Variants in PVALEF observed in about 807,000 individuals in gnomAD.
PVALEF encodes parvalbumin-like EF-hand-containing protein.
PVALEF carries 2 observed loss-of-function variants against 1.2 expected under a neutral mutation model. The observed-to-expected ratio is 1.68, with a 90% CI of 0.69 to 5.28. PVALEF has a LOEUF of 5.28. Ranked by LOEUF, PVALEF falls within the 30% of genes most tolerant of loss-of-function variation. The pLI is 0.06. For missense variants in PVALEF, 35 were observed against 17.7 expected, an observed-to-expected ratio of 1.97 and a Z score of -1.75; for synonymous variants, 16 against 6.5, an observed-to-expected ratio of 2.47 and a Z score of -2.24.
chr17:81,176,654 T>C (rs1487890976), intron 2 of PVALEF, among the ~76,000 whole-genome samples: 1 of 150,380 alleles, frequency 6.6e-6, no homozygotes, highest in African/African-American at 2.4e-5. Flanking sequence ...CCCTGTGCGC[T>C]GTTGGTGGGA....
chr17:81,170,584 C>A (rs1567835800), intron 2 of PVALEF, among the ~76,000 whole-genome samples: 1 of 152,112 alleles, frequency 6.6e-6, no homozygotes. Flanking sequence ...AGGAGGGAGG[C>A]AAAGTGGGGA....
chr17:81,181,342 GCCCCCGCCCGGCGCGGC>G lies in PVALEF; in HGVS notation c.106+21_106+37del, dbSNP rs1333914780. On this transcript the variant is annotated intron_variant, in intron 4 of 6. Transcript: ENST00000637878. ...GACATGAGACACCACGGTACAGCAT[GCCCCCGCCCGGCGCGGC>G]CCCCCGCCCGTCCAGCCCCGCTGTG... The G allele has an allele frequency of 6.2e-6, 4 of 641,660 alleles. No homozygotes were observed. In the African/African-American group the frequency reaches 7.2e-5, roughly 12 times the overall value. 39.7% of individuals were successfully genotyped at this position (641,660 alleles called of 1,614,324 possible). A position where few individuals can be genotyped will look rare whatever the true frequency, so the allele number is the denominator to read the frequency against.
At position 81,181,206 on chromosome 17, in the gene PVALEF, C is replaced by T. The variant is rs1484789761; in HGVS notation, c.-21C>T. ...CGTGCGTGCACCCCACGAATTGACT[C>T]CCTATCCACCCAGGACCAGGATGGA... is the stretch of plus-strand genomic sequence containing the variant. On this transcript the variant is annotated 5_prime_UTR_variant, in exon 4 of 7. Coordinates refer to ENST00000637878, the MANE Select transcript of PVALEF (RefSeq NM_001354639.2). 2.8e-6 allele frequency: 2 copies of T among 703,074 alleles called. No homozygotes were observed. The highest frequency in any genetic ancestry group is 5.4e-5 in the East Asian group (2 of 37,280). 43.6% of individuals were successfully genotyped at this position (703,074 alleles called of 1,614,324 possible).
At chr17:81,166,080 G>T in intron 1 of PVALEF, 3 of 915,132 alleles carry the variant, frequency 3.3e-6, no homozygotes, top group Non-Finnish European at 2.7e-6. Context: ...ATCACCCAGC[G>T]GCCGCCGCAG....
chr17:81,166,979 C>T (rs938645756), intron 2 of PVALEF, 135 bp downstream of exon 2: 7 of 302,856 alleles, frequency 2.3e-5, no homozygotes, highest in Admixed American at 4.4e-5. Context: ...AGCCTGCCCC[C>T]GTGGGAGTCG....
intron 2 of PVALEF, among the ~76,000 whole-genome samples, chr17:81,167,323 T>C (rs2063033): frequency 0.37 from 56,178 of 151,220 alleles, 12,342 homozygotes; most frequent in South Asian, 0.52. Context: ...GCAGTTGAGT[T>C]TGATGCACCC....
intron 2 of PVALEF, among the ~76,000 whole-genome samples, chr17:81,170,126 G>C: frequency 7.4e-6 from 1 of 135,712 alleles, no homozygotes; most frequent in Non-Finnish European, 1.5e-5. Flanking sequence ...GTGTAGGCAT[G>C]TGTGTGTTGG....
Position 81,179,000 on chromosome 17 carries a change from T to C in PVALEF, c.-257T>C. ...CAAGTGCCTGCGAGCCCCTGGGAGC[T>C]GCCCGTGCCAGGCTGGAGTGCCGGG... On this transcript the variant is annotated 5_prime_UTR_variant, in exon 3 of 7. Coordinates refer to ENST00000637878, the MANE Select transcript of PVALEF (RefSeq NM_001354639.2). 2.3e-6 allele frequency: 1 copy of C among 440,352 alleles called. No individual in the cohort carries two copies. Among genetic ancestry groups the C allele is most frequent in the Non-Finnish European group, 4.6e-6 (1 of 217,452 alleles). 27.3% of individuals were successfully genotyped at this position (440,352 alleles called of 1,614,324 possible).
rs2061497290 is a variant in PVALEF, at chr17:81,166,822, C to T, written c.-362C>T. On this transcript the variant is annotated 5_prime_UTR_variant, in exon 2 of 7. Coordinates refer to ENST00000637878, the MANE Select transcript of PVALEF (RefSeq NM_001354639.2). ...ATGAAGGAAGAACCTGGCTGAGTCT[C>T]CACCTGCCGTGGACTGTACCAGGTG... 4.4e-6 allele frequency: 2 copies of T among 453,262 alleles called. No individual in the cohort carries two copies. The highest frequency in any genetic ancestry group is 4.7e-5 in the Admixed American group (2 of 42,246). The allele number at this position is 453,262 out of a possible 1,614,324, so 28.1% of individuals were successfully genotyped here.
chr17:81,180,118 C>G (rs568620384), intron 3 of PVALEF, among the ~76,000 whole-genome samples: 53 of 152,304 alleles, frequency 3.5e-4, no homozygotes, highest in Middle Eastern at 3.4e-3. Context: ...GTCTCCAGCC[C>G]GGATCTCGGG....
chr17:81,165,543 A>C lies in PVALEF; in HGVS notation c.-712A>C. 1 of 937,594 alleles carries C rather than the reference A, an allele frequency of 1.1e-6. No homozygotes were observed. The highest frequency in any genetic ancestry group is 1.5e-6 in the Non-Finnish European group (1 of 667,646). The allele number at this position is 937,594 out of a possible 1,614,324, so 58.1% of individuals were successfully genotyped here. A position where few individuals can be genotyped will look rare whatever the true frequency, so the allele number is the denominator to read the frequency against. On this transcript the variant is annotated 5_prime_UTR_variant, in exon 1 of 7. Transcript: ENST00000637878. ...AGCCTGGGAAGAAGCCTCCCACGCC[A>C]GGGCCCCGGACCCAGGAGAGGCCAT...
chr17:81,169,834 C>G (rs2061512490), intron 2 of PVALEF, among the ~76,000 whole-genome samples: 1 of 143,856 alleles, frequency 7.0e-6, no homozygotes, highest in Admixed American at 6.8e-5. Flanking sequence ...GTGTGTCTGT[C>G]TTGGTAGGTA....
intron 2 of PVALEF, among the ~76,000 whole-genome samples, chr17:81,172,443 C>A (rs189036557): frequency 1.1e-3 from 170 of 152,304 alleles, no homozygotes; most frequent in Middle Eastern, 3.4e-3. Context: ...GACAAAAGAA[C>A]CCTGAAGCTT....
At chr17:81,181,422 C>T in intron 4 of PVALEF, 90 bp downstream of exon 4, 1 of 538,648 alleles carries the variant, frequency 1.9e-6, no homozygotes, top group Admixed American at 3.5e-5. Flanking sequence ...GCTGATGGGT[C>T]CAGGACACCA....
intron 3 of PVALEF, among the ~76,000 whole-genome samples, chr17:81,179,790 G>T (rs1440946028): frequency 6.6e-6 from 1 of 152,220 alleles, no homozygotes; most frequent in African/African-American, 2.4e-5. Context: ...CCGGAGCAGG[G>T]CATCCCAGAT....
intron 2 of PVALEF, among the ~76,000 whole-genome samples, chr17:81,172,261 C>T (rs964422187): frequency 6.6e-6 from 1 of 152,136 alleles, no homozygotes; most frequent in Non-Finnish European, 1.5e-5. Flanking sequence ...GTGGGAGCAC[C>T]CGGGACAACC....
intron 2 of PVALEF, among the ~76,000 whole-genome samples, chr17:81,174,047 C>A (rs1285092196): frequency 1.3e-5 from 2 of 152,124 alleles, no homozygotes; most frequent in Non-Finnish European, 1.5e-5. Context: ...ACAGAAAACA[C>A]GTGATTATCT....
At chr17:81,168,254 A>C (rs1216241634) in intron 2 of PVALEF, among the ~76,000 whole-genome samples, 1 of 152,180 alleles carries the variant, frequency 6.6e-6, no homozygotes, top group African/African-American at 2.4e-5. Flanking sequence ...GCTTGCTGTG[A>C]CCAGGGGCTG....
At chr17:81,169,546 C>T (rs542692273) in intron 2 of PVALEF, among the ~76,000 whole-genome samples, 5 of 152,292 alleles carry the variant, frequency 3.3e-5, no homozygotes, top group Admixed American at 6.5e-5. Context: ...TGCAGTGAGC[C>T]GAGATGGCGC....
Sources: gnomAD v4.1 joint callset for allele counts (sites outside exome capture counted in the v4.1 genomes callset) on GRCh38, gnomAD v4.1.1 for gene constraint, MANE v1.5 for transcripts, NCBI Gene and HGNC (gene_info 2026-07-23, HGNC 2026-07-21) for gene names.